The following MYO7A variants were observed in gnomAD, a reference collection of about 807,000 sequenced individuals.
MYO7A encodes the protein unconventional myosin-VIIa.
MYO7A carries 210 observed loss-of-function variants against 263.8 expected under a neutral mutation model. The observed-to-expected ratio is 0.80, with a 90% CI of 0.71 to 0.89. The LOEUF (loss-of-function observed/expected upper bound fraction) is 0.89, where lower values mean the gene tolerates loss of function less well. Among genes scored for constraint, MYO7A ranks in the 40% least tolerant of loss-of-function variants. The probability of loss-of-function intolerance (pLI) is 0.00; values close to 1 mark genes in which losing one functional copy is unlikely to be tolerated. For synonymous variants in MYO7A, 1,239 were observed against 1,197.3 expected, an observed-to-expected ratio of 1.03 and a Z score of -0.72; for missense variants, 2,820 against 2,968.3, an observed-to-expected ratio of 0.95 and a Z score of 1.16.
In MYO7A at chr11:77,138,392, C is replaced by T. The variant is rs147804158; in HGVS notation, c.19-4317C>T. The stretch of plus-strand genomic sequence containing the variant: ...GCGCTGGTGCGCAGCCTGAACCAGG[C>T]GTTCAAGACCTACGCCGTCCTGCCG... On this transcript the variant is annotated intron_variant, in intron 2 of 48. Transcript: ENST00000409709. This position sits in a 1 kb window ranked among gnomAD's most constrained non-coding sequence, Gnocchi z 4.9. 2.0e-5 allele frequency among the ~76,000 whole-genome samples: 3 copies of T among 152,264 alleles called. No individual in the cohort carries two copies. The highest frequency in any genetic ancestry group is 3.9e-4 in the East Asian group (2 of 5,164).
intron 15 of MYO7A, 102 bp from the exon 16 acceptor site, chr11:77,172,646 C>CCTGA: frequency 6.8e-7 from 1 of 1,469,416 alleles, no homozygotes; most frequent in East Asian, 2.5e-5. Context: ...TCCCTCAAAC[C>CCTGA]CTGACCCCGC....
chr11:77,160,723 C>T (rs892183631), intron 11 of MYO7A, among the ~76,000 whole-genome samples: 1 of 152,124 alleles, frequency 6.6e-6, no homozygotes, highest in Admixed American at 6.5e-5. Flanking sequence ...CCTTCCCCTG[C>T]TGCATGGTCA....
At chr11:77,156,249 G>T (rs1952450243) in intron 5 of MYO7A, among the ~76,000 whole-genome samples, 158 bp downstream of exon 5, 1 of 152,216 alleles carries the variant, frequency 6.6e-6, no homozygotes, top group African/African-American at 2.4e-5. Flanking sequence ...TAACAATGTA[G>T]AAAATCACCT....
At chr11:77,135,571 T>C (rs563897663) in intron 2 of MYO7A, among the ~76,000 whole-genome samples, 131 of 152,368 alleles carry the variant, frequency 8.6e-4, no homozygotes, top group Non-Finnish European at 1.4e-3. Context: ...CTTTTAATTC[T>C]TTTGAGTATA....
At chr11:77,178,943 A>G (rs71469547) in intron 19 of MYO7A, 102 bp from the exon 20 acceptor site, 1 of 853,778 alleles carries the variant, frequency 1.2e-6, no homozygotes, top group Non-Finnish European at 1.9e-6. Flanking sequence ...TATAGCTAGG[A>G]AGTCACAGAG....
chr11:77,197,383 C>T (rs1451676209), intron 32 of MYO7A, 98 bp from the exon 33 acceptor site: 4 of 886,372 alleles, frequency 4.5e-6, no homozygotes, highest in African/African-American at 1.7e-5. Context: ...GGTGCAGGAG[C>T]CCCAGGCTGC....
At chr11:77,170,374 G>T (rs989188512) in intron 15 of MYO7A, among the ~76,000 whole-genome samples, 1 of 152,144 alleles carries the variant, frequency 6.6e-6, no homozygotes, top group Non-Finnish European at 1.5e-5. Context: ...CTCAGGCAGG[G>T]CAAGGAGGCT....
chr11:77,190,273 T>C (rs1955955609), intron 29 of MYO7A, 134 bp downstream of exon 29: 1 of 953,338 alleles, frequency 1.0e-6, no homozygotes, highest in African/African-American at 1.7e-5. Context: ...CTCAGACACC[T>C]ACCCTCAAGT....
At chr11:77,137,681 C>T (rs781921507) in intron 2 of MYO7A, among the ~76,000 whole-genome samples, 9 of 152,180 alleles carry the variant, frequency 5.9e-5, no homozygotes, top group Non-Finnish European at 8.8e-5. Context: ...AGGGAGAGCT[C>T]TGAGCCATCG....
chr11:77,145,074 G>A (rs1445097751), intron 3 of MYO7A, among the ~76,000 whole-genome samples: 1 of 152,150 alleles, frequency 6.6e-6, no homozygotes, highest in Non-Finnish European at 1.5e-5. Flanking sequence ...CTCCTCCCAC[G>A]CAGGAAACAG....
chr11:77,157,258 G>A (rs1555063752), intron 7 of MYO7A, 21 bp from the exon 8 acceptor site: 2 of 1,579,736 alleles, frequency 1.3e-6, no homozygotes, highest in East Asian at 4.5e-5. Flanking sequence ...CTGGCCCCCA[G>A]CACTGTGCCC....
chr11:77,182,686 G>A lies in MYO7A; in HGVS notation c.3285+86G>A, dbSNP rs1591384834. The A allele has an allele frequency of 7.1e-6, 10 of 1,407,434 alleles. No individual in the cohort carries two copies. In the Admixed American group the frequency reaches 8.1e-5, roughly 11 times the overall value. 87.2% of individuals were successfully genotyped at this position (1,407,434 alleles called of 1,614,324 possible). A position where few individuals can be genotyped will look rare whatever the true frequency, so the allele number is the denominator to read the frequency against. ...ATCACCAGCCTTGGGCTCCTCTGCA[G>A]AAAAAGGATCCTATAATTCATCTCT... On this transcript the variant is annotated intron_variant, in intron 25 of 48. Coordinates refer to ENST00000409709, the MANE Select transcript of MYO7A (RefSeq NM_000260.4).
chr11:77,193,786 G>A (rs978895522), intron 31 of MYO7A, among the ~76,000 whole-genome samples: 2 of 152,180 alleles, frequency 1.3e-5, no homozygotes, highest in Admixed American at 6.5e-5. Flanking sequence ...TGTGCACCAG[G>A]CCAGGCAGAG....
At chr11:77,148,981 G>A (rs190124410) in intron 4 of MYO7A, among the ~76,000 whole-genome samples, 110 of 152,318 alleles carry the variant, frequency 7.2e-4, no homozygotes, top group Non-Finnish European at 1.3e-3. Context: ...TGTGTAGTTG[G>A]AAAAGAGATG....
At chr11:77,166,524 G>C (rs561174615) in intron 15 of MYO7A, among the ~76,000 whole-genome samples, 1 of 152,268 alleles carries the variant, frequency 6.6e-6, no homozygotes, top group African/African-American at 2.4e-5. Context: ...GGTGGGTGTG[G>C]ATACTCAGAG....
At chr11:77,152,145 G>A (rs559768058) in intron 4 of MYO7A, among the ~76,000 whole-genome samples, 3 of 152,276 alleles carry the variant, frequency 2.0e-5, no homozygotes, top group African/African-American at 4.8e-5. Flanking sequence ...CTGCCTCACC[G>A]AGGAAAGAGG....
intron 12 of MYO7A, among the ~76,000 whole-genome samples, chr11:77,161,820 C>T (rs1432997305): frequency 6.6e-6 from 1 of 152,220 alleles, no homozygotes; most frequent in Non-Finnish European, 1.5e-5. Flanking sequence ...TGGGTGCCCA[C>T]CTGCCAATCC....
chr11:77,158,367 G>T lies in MYO7A; in HGVS notation c.940G>T (p.Glu314Ter). 6.2e-7 allele frequency: 1 copy of T among 1,613,286 alleles called. No homozygotes were observed. The highest frequency in any genetic ancestry group is 8.5e-7 in the Non-Finnish European group (1 of 1,179,812). Reference sequence around the variant, plus strand: ...GAAGGTGCTCATGTTCACTGACACCGAGAACTGGGAGATCTCGAAGCTCCT... The same window carrying T: ...GAAGGTGCTCATGTTCACTGACACCTAGAACTGGGAGATCTCGAAGCTCCT... ...AMKVLMFTDT[E>*]NWEISKLLAA... Residue 314 changes from glutamate (E) to a stop codon, truncating the protein, a stop_gained, in exon 9 of 49, where the codon GAG (glutamate) becomes TAG (stop). Transcript: ENST00000409709. LOFTEE classifies it high-confidence loss of function.
At chr11:77,212,165 TA>T (rs1189177839) in intron 46 of MYO7A, 1 of 652,696 alleles carries the variant, frequency 1.5e-6, no homozygotes, top group Non-Finnish European at 2.8e-6. Context: ...GGCAGACATG[TA>T]AACAGGCTGG....
Sources: allele counts gnomAD v4.1 joint callset (sites outside exome capture counted in the v4.1 genomes callset), GRCh38; gene constraint gnomAD v4.1.1; non-coding constraint Gnocchi (gnomAD v3.1); transcripts MANE v1.5; gene names NCBI Gene and HGNC (gene_info 2026-07-23, HGNC 2026-07-21).